Variants in REEP1 observed in about 807,000 individuals in gnomAD.
REEP1 encodes receptor expression-enhancing protein 1.
Under a neutral mutation model 40.3 loss-of-function variants are expected in REEP1, and 22 were observed. The observed-to-expected ratio is 0.55, with a 90% CI of 0.39 to 0.78. REEP1 has a LOEUF of 0.78. REEP1 is among the 30% of genes least tolerant of loss of function. REEP1 has a pLI of 0.00. For synonymous variants in REEP1, 116 were observed against 139.2 expected, an observed-to-expected ratio of 0.83 and a Z score of 1.17; for missense variants, 280 against 361.1, an observed-to-expected ratio of 0.78 and a Z score of 1.82.
chr2:86,301,538 A>C (rs1376367986), intron 1 of REEP1, among the ~76,000 whole-genome samples: 2 of 152,208 alleles, frequency 1.3e-5, no homozygotes, highest in Non-Finnish European at 2.9e-5. Context: ...TTTTCAAGAG[A>C]CCAGCGTGAC....
intron 5 of REEP1, among the ~76,000 whole-genome samples, chr2:86,235,592 A>G (rs1190122884): frequency 6.6e-6 from 1 of 152,244 alleles, no homozygotes; most frequent in African/African-American, 2.4e-5. Flanking sequence ...CCTAAGCTTC[A>G]TGACCCCAAG....
At chr2:86,309,297 T>C (rs1181115740) in intron 1 of REEP1, among the ~76,000 whole-genome samples, 2 of 152,228 alleles carry the variant, frequency 1.3e-5, no homozygotes, top group African/African-American at 4.8e-5. Context: ...ACCTCCTCAC[T>C]GTATTTCACC....
intron 4 of REEP1, among the ~76,000 whole-genome samples, chr2:86,253,364 A>G (rs989232120): frequency 6.6e-6 from 1 of 152,150 alleles, no homozygotes; most frequent in Non-Finnish European, 1.5e-5. Context: ...GCCTTAGTCA[A>G]GTTCTGTGCA....
chr2:86,336,545 A>G (rs755259391), intron 1 of REEP1, among the ~76,000 whole-genome samples: 1 of 152,172 alleles, frequency 6.6e-6, no homozygotes, highest in Non-Finnish European at 1.5e-5. Flanking sequence ...CAGGTGGCAA[A>G]TCTGTTCTGA....
intron 1 of REEP1, among the ~76,000 whole-genome samples, chr2:86,327,951 A>G (rs1373804625): frequency 6.6e-6 from 1 of 152,130 alleles, no homozygotes; most frequent in African/African-American, 2.4e-5. Flanking sequence ...GGTCCAGGAG[A>G]GCAACAGTAT....
chr2:86,282,766 C>A (rs887802323), intron 1 of REEP1, among the ~76,000 whole-genome samples: 5 of 152,182 alleles, frequency 3.3e-5, no homozygotes, highest in African/African-American at 1.2e-4. Flanking sequence ...CTTGCATTAG[C>A]CTGTTTCTCA....
At chr2:86,309,688 G>A (rs1201802589) in intron 1 of REEP1, among the ~76,000 whole-genome samples, 3 of 152,162 alleles carry the variant, frequency 2.0e-5, no homozygotes, top group African/African-American at 7.2e-5. Context: ...GTCCTCACAT[G>A]GTGGGAAAAG....
At chr2:86,221,144 C>T (rs544342150) in intron 7 of REEP1, among the ~76,000 whole-genome samples, 16 of 152,142 alleles carry the variant, frequency 1.1e-4, no homozygotes, top group East Asian at 1.9e-4. Context: ...ATTCAGCCAC[C>T]GAATGTGCTC....
intron 1 of REEP1, chr2:86,297,589 C>T: frequency 3.9e-6 from 2 of 515,738 alleles, no homozygotes; most frequent in Non-Finnish European, 5.0e-6. Context: ...AGGGATGCCA[C>T]CTAGCTGGGA....
At chr2:86,327,632 A>T (rs1015203598) in intron 1 of REEP1, among the ~76,000 whole-genome samples, 1 of 148,276 alleles carries the variant, frequency 6.7e-6, no homozygotes, top group African/African-American at 2.5e-5. Flanking sequence ...CAGTGGCGTG[A>T]TCTCGGCTCA....
chr2:86,332,572 T>C (rs1418344594), intron 1 of REEP1, among the ~76,000 whole-genome samples: 3 of 151,590 alleles, frequency 2.0e-5, no homozygotes, highest in Non-Finnish European at 4.4e-5. Flanking sequence ...CCAGGGCTCC[T>C]CCTCCCCCGA....
intron 1 of REEP1, among the ~76,000 whole-genome samples, chr2:86,336,504 C>A (rs1193161762): frequency 6.6e-6 from 1 of 152,182 alleles, no homozygotes; most frequent in Non-Finnish European, 1.5e-5. Flanking sequence ...CTTAGACTCC[C>A]CACACCCATT....
chr2:86,297,580 G>A, intron 1 of REEP1: 1 of 410,688 alleles, frequency 2.4e-6, no homozygotes, highest in Non-Finnish European at 3.3e-6. Context: ...AAAAGATGCA[G>A]GGATGCCACC....
chr2:86,335,467 T>C (rs1350557626), intron 1 of REEP1, among the ~76,000 whole-genome samples: 2 of 151,918 alleles, frequency 1.3e-5, no homozygotes, highest in East Asian at 3.9e-4. Flanking sequence ...TTCTAGGGAG[T>C]GTGGTTGTTT....
chr2:86,246,701 CTTTTTTCT>C (rs1675975185), intron 5 of REEP1, among the ~76,000 whole-genome samples: 1 of 74,604 alleles, frequency 1.3e-5, no homozygotes, highest in Admixed American at 1.7e-4. Flanking sequence ...CTTTTTTTTT[CTTTTTTCT>C]TTTTTTTTTT....
In REEP1 at chr2:86,217,015, T is replaced by G; in HGVS notation, c.*24A>C. The G allele has an allele frequency of 6.3e-7, 1 of 1,599,876 alleles. No individual in the cohort carries two copies. Among genetic ancestry groups the G allele is most frequent in the Non-Finnish European group, 8.6e-7 (1 of 1,167,098 alleles). On this transcript the variant is annotated 3_prime_UTR_variant, in exon 9 of 9. Transcript: ENST00000538924. Reference sequence around the variant, plus strand: ...AGGCAGAGAAGAAACATTCTGTGGATCCGGTGCTGTTGGCTCATCTCACTC... The same window carrying G: ...AGGCAGAGAAGAAACATTCTGTGGAGCCGGTGCTGTTGGCTCATCTCACTC...
intron 8 of REEP1, among the ~76,000 whole-genome samples, 184 bp from the exon 9 acceptor site, chr2:86,217,294 G>T (rs1166263518): frequency 6.6e-6 from 1 of 152,136 alleles, no homozygotes; most frequent in Non-Finnish European, 1.5e-5. Context: ...CCCACATATC[G>T]CATGAAGCTG....
At chr2:86,316,698 A>G (rs1680030637) in intron 1 of REEP1, among the ~76,000 whole-genome samples, 1 of 151,878 alleles carries the variant, frequency 6.6e-6, no homozygotes, top group Admixed American at 6.6e-5. Context: ...ATCTCTACTA[A>G]AAATATAAAA....
chr2:86,291,323 G>A (rs1678679741), intron 1 of REEP1, among the ~76,000 whole-genome samples: 2 of 152,292 alleles, frequency 1.3e-5, no homozygotes, highest in Admixed American at 6.5e-5. Flanking sequence ...CTGACAACAG[G>A]TGACAGTATA....
Sources: allele counts gnomAD v4.1 joint callset (sites outside exome capture counted in the v4.1 genomes callset), GRCh38; gene constraint gnomAD v4.1.1; transcripts MANE v1.5; gene names NCBI Gene and HGNC (gene_info 2026-07-23, HGNC 2026-07-21).